ADGRF1: variants seen among roughly 807,000 people sequenced by gnomAD.
ADGRF1 encodes the protein adhesion G protein-coupled receptor F1.
Under a neutral mutation model 87.2 loss-of-function variants are expected in ADGRF1, and 85 were observed. That is an observed-to-expected ratio of 0.97 (90% CI 0.82 to 1.17). ADGRF1 has a LOEUF of 1.17. Among genes scored for constraint, ADGRF1 ranks in the 50% most tolerant of loss-of-function variants. The pLI, the probability that ADGRF1 is intolerant of heterozygous loss-of-function variation, is 0.00. For missense variants in ADGRF1, 1,169 were observed against 1,077.2 expected, an observed-to-expected ratio of 1.09 and a Z score of -1.19; for synonymous variants, 430 against 408.8, an observed-to-expected ratio of 1.05 and a Z score of -0.63.
At chr6:47,010,542 A>T (rs1779675443) in intron 10 of ADGRF1, among the ~76,000 whole-genome samples, 1 of 152,128 alleles carries the variant, frequency 6.6e-6, no homozygotes, top group Non-Finnish European at 1.5e-5. Context: ...CAGGGTGATC[A>T]CCCCAGAGCA....
intron 1 of ADGRF1, among the ~76,000 whole-genome samples, chr6:47,036,915 C>T (rs1302051633): frequency 1.3e-5 from 2 of 152,168 alleles, no homozygotes; most frequent in Non-Finnish European, 2.9e-5. Context: ...CAGTTTTGAA[C>T]TCCCACAATT....
Position 47,022,020 on chromosome 6 carries a change from T to C in ADGRF1, c.490A>G (p.Asn164Asp). Residue 164 changes from asparagine to aspartate, a missense_variant, in exon 6 of 15, where the codon AAT (asparagine) becomes GAT (aspartate). Transcript: ENST00000371253. ...GCAGAAGATGAATTCAAAAGGTCAT[T>C]TGTAAACCTTTCATTAATTTTGAAA... ...GTFKINERFT[N>D]DLLNSSSAIY... The C allele has an allele frequency of 1.9e-6, 3 of 1,586,634 alleles. No homozygotes were observed. Among genetic ancestry groups the C allele is most frequent in the Non-Finnish European group, 2.6e-6 (3 of 1,170,144 alleles).
chr6:47,010,191 A>G lies in ADGRF1; in HGVS notation c.1244T>C (p.Val415Ala), dbSNP rs551879855. The G allele has an allele frequency of 6.2e-7, 1 of 1,614,116 alleles. No homozygotes were observed. Among genetic ancestry groups the G allele is most frequent in the African/African-American group, 1.3e-5 (1 of 75,058 alleles). ...LETLENISTL[V>A]PPTALPLNFS... is the part of the protein sequence containing the mutation. ...ATTCAGAGGAAGAGCTGTCGGAGGC[A>G]CCAGAGTGCTGATGTTTTCTAATGT... Residue 415 changes from valine to alanine, a missense_variant, in exon 11 of 15, where the codon GTG (valine) becomes GCG (alanine). By Grantham distance (64) the Val-to-Ala change is moderately conservative. Transcript: ENST00000371253.
chr6:47,029,538 T>C (rs968388388), intron 1 of ADGRF1, among the ~76,000 whole-genome samples: 2 of 152,186 alleles, frequency 1.3e-5, no homozygotes, highest in African/African-American at 4.8e-5. Context: ...TAAATAATAA[T>C]GAATCAATCC....
rs1273839599 is a variant in ADGRF1 at position 47,009,407 on chromosome 6, G to A, written c.2028C>T (p.Leu676=). 3 of 1,613,828 alleles carry A rather than the reference G, an allele frequency of 1.9e-6. No homozygotes were observed. The highest frequency in any genetic ancestry group is 2.2e-5 in the East Asian group (1 of 44,866). ...FFYLSLFFWM[L]MLGILLAYRI... is the part of the protein sequence containing the mutation. The stretch of plus-strand genomic sequence containing the variant: ...GGTAAGCCAGCAGGATGCCAAGCAT[G>A]AGCATCCAGAAGAACAAAGAGAGGT... Residue 676 remains leucine, a synonymous_variant, in exon 11 of 15, where the codon CTC becomes CTT. Transcript: ENST00000371253.
Position 47,010,262 on chromosome 6 carries a change from T to G in ADGRF1, c.1173A>C (p.Thr391=), listed in dbSNP as rs1281101306. The G allele has an allele frequency of 6.2e-7, 1 of 1,613,644 alleles. No homozygotes were observed. The highest frequency in any genetic ancestry group is 8.5e-7 in the Non-Finnish European group (1 of 1,179,854). Residue 391 remains threonine, a synonymous_variant, in exon 11 of 15, where the codon ACA becomes ACC. Coordinates refer to ENST00000371253, the MANE Select transcript of ADGRF1 (RefSeq NM_153840.4). ...ILNSASVTNW[T]VLLREEKYAS... is the part of the protein sequence containing the mutation. ...CATACTTTTCTTCCCGCAGTAAGAC[T>G]GTCCAGTTGGTTACTGAGGCTGAAT...
Position 47,012,229 on chromosome 6 carries a change from A to G in ADGRF1, c.928-34T>C, listed in dbSNP as rs761006194. ...GAAAATGGTTAAGTTCTAGAAAACA[A>G]TGACATGCTGTGTTTCATCAAATTT... On this transcript the variant is annotated intron_variant, in intron 9 of 14. Transcript: ENST00000371253. 10 of 1,599,270 alleles carry G rather than the reference A, an allele frequency of 6.3e-6. 1 individual carries two copies. The East Asian group carries it at 1.8e-4, about 29-fold the overall frequency.
At position 47,012,207 on chromosome 6, in the gene ADGRF1, A is replaced by C. The variant is rs749364862; in HGVS notation, c.928-12T>G. 1 of 1,603,558 alleles carries C rather than the reference A, an allele frequency of 6.2e-7. No homozygotes were observed. The highest frequency in any genetic ancestry group is 8.5e-7 in the Non-Finnish European group (1 of 1,170,996). The stretch of plus-strand genomic sequence containing the variant: ...ATCATACTGAAATTCTAGAAGCGAA[A>C]ATGGTTAAGTTCTAGAAAACAATGA... On this transcript the variant is annotated splice_polypyrimidine_tract_variant and intron_variant, in intron 9 of 14. Coordinates refer to ENST00000371253, the MANE Select transcript of ADGRF1 (RefSeq NM_153840.4).
At chr6:47,007,334 T>C in intron 11 of ADGRF1, 40 bp from the exon 12 acceptor site, 1 of 1,295,718 alleles carries the variant, frequency 7.7e-7, no homozygotes, top group Non-Finnish European at 1.1e-6. Context: ...ATTGTATTTT[T>C]CTTTTCCAAA....
Position 47,011,916 on chromosome 6 carries a change from T to A in ADGRF1, c.1116+91A>T, listed in dbSNP as rs1779717951. On this transcript the variant is annotated intron_variant, in intron 10 of 14. Coordinates refer to ENST00000371253, the MANE Select transcript of ADGRF1 (RefSeq NM_153840.4). ...AAGACGCATACATGGCTTTCTGTCTTTTCCAATAGTTCCCCATATTTAAGG... is the reference window on the plus strand; with the variant it reads ...AAGACGCATACATGGCTTTCTGTCTATTCCAATAGTTCCCCATATTTAAGG... 39 of 1,226,082 alleles carry A rather than the reference T, an allele frequency of 3.2e-5. No individual in the cohort carries two copies. The South Asian group carries it at 5.6e-4, about 18-fold the overall frequency. 76.0% of individuals were successfully genotyped at this position (1,226,082 alleles called of 1,614,324 possible).
At position 47,019,631 on chromosome 6, in the gene ADGRF1, C is replaced by A. The variant is rs542559297; in HGVS notation, c.611+1100G>T. On this transcript the variant is annotated intron_variant, in intron 7 of 14. Coordinates refer to ENST00000371253, the MANE Select transcript of ADGRF1 (RefSeq NM_153840.4). ...CCAAGGAGGTGGAGGTTGCAGTGAG[C>A]CGAGATCGTGCCACTGCACTCCAGC... 20 of 436,488 alleles carry A rather than the reference C, an allele frequency of 4.6e-5. No homozygotes were observed. In the East Asian group the frequency reaches 2.1e-3, roughly 45 times the overall value. 27.0% of individuals were successfully genotyped at this position (436,488 alleles called of 1,614,324 possible).
At chr6:47,007,315 A>G (rs745693912) in intron 11 of ADGRF1, 21 bp from the exon 12 acceptor site, 8 of 1,389,576 alleles carry the variant, frequency 5.8e-6, no homozygotes, top group Admixed American at 1.7e-5. Flanking sequence ...AAAGGAATAA[A>G]TCACATGTAT....
chr6:47,018,727 C>T (rs1205014654), intron 7 of ADGRF1: 1 of 357,736 alleles, frequency 2.8e-6, no homozygotes, highest in Non-Finnish European at 5.1e-6. Flanking sequence ...GACTGGTCAA[C>T]ATGGTGAAAC....
intron 13 of ADGRF1, among the ~76,000 whole-genome samples, chr6:47,002,731 G>A (rs1779394211): frequency 6.6e-6 from 1 of 152,102 alleles, no homozygotes; most frequent in Non-Finnish European, 1.5e-5. Flanking sequence ...GTCCATTGAG[G>A]CCACCAGAGT....
chr6:47,006,254 C>T (rs1450391634), intron 12 of ADGRF1, among the ~76,000 whole-genome samples: 1 of 152,084 alleles, frequency 6.6e-6, no homozygotes, highest in Non-Finnish European at 1.5e-5. Flanking sequence ...GCAGTTTGTT[C>T]ATGTGCAAAA....
At position 47,000,059 on chromosome 6, in the gene ADGRF1, A is replaced by G. The variant is rs948203251; in HGVS notation, c.*163T>C. The G allele has an allele frequency of 5.4e-6, 3 of 558,424 alleles. No homozygotes were observed. The highest frequency in any genetic ancestry group is 9.7e-6 in the Non-Finnish European group (3 of 310,380). 34.6% of individuals were successfully genotyped at this position (558,424 alleles called of 1,614,324 possible). On this transcript the variant is annotated 3_prime_UTR_variant, in exon 15 of 15. Coordinates refer to ENST00000371253, the MANE Select transcript of ADGRF1 (RefSeq NM_153840.4). ...AAATCTTCTTTTCATTTAATTGAAG[A>G]CAAAAGGGAGCAGTAATGAAGCCAC...
At chr6:47,035,213 C>T (rs1780552911) in intron 1 of ADGRF1, among the ~76,000 whole-genome samples, 2 of 152,152 alleles carry the variant, frequency 1.3e-5, no homozygotes, top group Admixed American at 1.3e-4. Flanking sequence ...CCATGAAGCC[C>T]TTAAAAGATG....
Position 47,009,872 on chromosome 6 carries a change from A to G in ADGRF1, c.1563T>C (p.Phe521=). The G allele has an allele frequency of 6.2e-7, 1 of 1,614,042 alleles. No individual in the cohort carries two copies. The highest frequency in any genetic ancestry group is 8.5e-7 in the Non-Finnish European group (1 of 1,179,902). Reference sequence around the variant, plus strand: ...TCAGGTTTGACTCTATCTTGGAAAAAAATAGGAAAACTTCATTTATGGAAT... The same window carrying G: ...TCAGGTTTGACTCTATCTTGGAAAAGAATAGGAAAACTTCATTTATGGAAT... ...QNYSINEVFL[F]FSKIESNLSQ... The change falls in exon 11 of 15, where the codon TTT becomes TTC. Residue 521 remains phenylalanine (F), a synonymous_variant. Transcript: ENST00000371253.
intron 7 of ADGRF1, chr6:47,018,910 A>G (rs1437281880): frequency 5.1e-6 from 1 of 197,954 alleles, no homozygotes; most frequent in African/African-American, 2.4e-5. Flanking sequence ...CCTGAGCAAC[A>G]TAGCAAGACC....
Sources: allele counts gnomAD v4.1 joint callset (sites outside exome capture counted in the v4.1 genomes callset), GRCh38; gene constraint gnomAD v4.1.1; transcripts MANE v1.5; gene names NCBI Gene and HGNC (gene_info 2026-07-23, HGNC 2026-07-21).